The following ZNF808 variants were observed in gnomAD, a reference collection of about 807,000 sequenced individuals.
ZNF808 encodes zinc finger protein 808.
In ZNF808, 5 loss-of-function variants were observed where a neutral mutation model predicts 8.7. The ratio of observed to expected loss-of-function variants is 0.58; its 90% confidence interval spans 0.30 to 1.21. The LOEUF (loss-of-function observed/expected upper bound fraction) is 1.21, where lower values mean the gene tolerates loss of function less well. Ranked by LOEUF, ZNF808 falls within the 50% of genes most tolerant of loss-of-function variation. The pLI, the probability that ZNF808 is intolerant of heterozygous loss-of-function variation, is 0.07. For missense variants in ZNF808, 1,103 were observed against 1,098.4 expected (o/e 1.00, Z -0.06); for synonymous variants, 380 against 366.0 (o/e 1.04, Z -0.44).
intron 4 of ZNF808, among the ~76,000 whole-genome samples, chr19:52,549,218 T>G (rs1488501737): frequency 6.6e-6 from 1 of 152,092 alleles, no homozygotes; most frequent in Non-Finnish European, 1.5e-5. Flanking sequence ...GACCTCCTGA[T>G]GCACCCGCTC....
At chr19:52,529,960 C>T (rs1187934132) in intron 1 of ZNF808, among the ~76,000 whole-genome samples, 13 of 149,650 alleles carry the variant, frequency 8.7e-5, no homozygotes, top group Non-Finnish European at 1.6e-4. Context: ...CCAGGCTGTT[C>T]TCAAAACCCT....
At chr19:52,557,374 C>T (rs576290916), downstream of ZNF808, among the ~76,000 whole-genome samples, 24 of 152,038 alleles carry the variant, frequency 1.6e-4, no homozygotes, top group Non-Finnish European at 2.2e-4. Context: ...TCAAGGCATT[C>T]TCCTGCCTCA....
At position 52,555,902 on chromosome 19, in the gene ZNF808, T is replaced by C; in HGVS notation, c.*274T>C. On this transcript the variant is annotated 3_prime_UTR_variant, in exon 5 of 5. Coordinates refer to ENST00000359798, the MANE Select transcript of ZNF808 (RefSeq NM_001039886.4). Reference sequence around the variant, plus strand: ...AGTGTGATGATTGTGGCAAAGCCTTTACTTCACATTCACACCTCGTTGGAC... The same window carrying C: ...AGTGTGATGATTGTGGCAAAGCCTTCACTTCACATTCACACCTCGTTGGAC... The C allele has an allele frequency of 1.4e-6, 1 of 694,928 alleles. No homozygotes were observed. The highest frequency in any genetic ancestry group is 2.7e-6 in the Non-Finnish European group (1 of 370,676). 43.0% of individuals were successfully genotyped at this position (694,928 alleles called of 1,614,324 possible).
Position 52,555,732 on chromosome 19 carries a change from T to C in ZNF808, c.*104T>C. 1 of 1,480,698 alleles carries C rather than the reference T, an allele frequency of 6.8e-7. No homozygotes were observed. Among genetic ancestry groups the C allele is most frequent in the South Asian group, 1.3e-5 (1 of 79,160 alleles). 91.7% of individuals were successfully genotyped at this position (1,480,698 alleles called of 1,614,324 possible). A position where few individuals can be genotyped will look rare whatever the true frequency, so the allele number is the denominator to read the frequency against. ...TCTGAGTGTAATAAATGTGGCATGT[T>C]TTTCAGACATTGTTCATACATTGCA... On this transcript the variant is annotated 3_prime_UTR_variant, in exon 5 of 5. Transcript: ENST00000359798.
Position 52,554,032 on chromosome 19 carries a change from A to G in ZNF808, c.1116A>G (p.Lys372=), listed in dbSNP as rs1260960923. The stretch of plus-strand genomic sequence containing the variant: ...TTCATACTGGAGTGAAACCTTACAA[A>G]TGTAAGATTTGTGAGAAGGCTTTTG... ...QRLHTGVKPY[K]CKICEKAFAC... The change falls in exon 5 of 5, where the codon AAA becomes AAG. Residue 372 remains lysine (K), a synonymous_variant. Transcript: ENST00000359798. 3.7e-6 allele frequency: 6 copies of G among 1,614,052 alleles called. No homozygotes were observed. Among genetic ancestry groups the G allele is most frequent in the Non-Finnish European group, 5.1e-6 (6 of 1,179,992 alleles).
At chr19:52,566,293 G>A (rs571107212), downstream of ZNF808, among the ~76,000 whole-genome samples, 2 of 152,056 alleles carry the variant, frequency 1.3e-5, no homozygotes, top group Admixed American at 1.3e-4. Flanking sequence ...AGCACCCCAA[G>A]TAGCTCAGAT....
chr19:52,560,141 C>T (rs1007222530), downstream of ZNF808, among the ~76,000 whole-genome samples: 7 of 151,988 alleles, frequency 4.6e-5, no homozygotes, highest in Non-Finnish European at 1.0e-4. Context: ...TGAGATCAGC[C>T]TGGGCAAAAT....
intron 2 of ZNF808, among the ~76,000 whole-genome samples, chr19:52,541,849 G>T (rs981546850): frequency 6.6e-6 from 1 of 152,058 alleles, no homozygotes; most frequent in African/African-American, 2.4e-5. Context: ...GCTGTCTCCT[G>T]GGTCATCAAA....
intron 1 of ZNF808, among the ~76,000 whole-genome samples, chr19:52,529,183 C>T (rs2059538520): frequency 6.6e-6 from 1 of 150,954 alleles, no homozygotes; most frequent in East Asian, 2.0e-4. Flanking sequence ...CGAGACCAGC[C>T]TGGGCAACAT....
Position 52,554,287 on chromosome 19 carries a change from T to C in ZNF808, c.1371T>C (p.Cys457=). ...ATACTGGAGAGAAACCATACAAATG[T>C]AAGGTTTGTGATACAGCTTTCACGT... is the stretch of plus-strand genomic sequence containing the variant. ...RIHTGEKPYK[C]KVCDTAFTCN... Residue 457 remains cysteine, a synonymous_variant, in exon 5 of 5, where the codon TGT becomes TGC. Coordinates refer to ENST00000359798, the MANE Select transcript of ZNF808 (RefSeq NM_001039886.4). 1 of 1,614,106 alleles carries C rather than the reference T, an allele frequency of 6.2e-7. No individual in the cohort carries two copies.
chr19:52,560,369 A>G (rs34866464), downstream of ZNF808, among the ~76,000 whole-genome samples: 14,187 of 151,912 alleles, frequency 0.093, 773 homozygotes, highest in Middle Eastern at 0.16. Context: ...TAATATTATT[A>G]TTATTACAGG....
At chr19:52,558,729 G>C (rs1373989706), downstream of ZNF808, among the ~76,000 whole-genome samples, 1 of 152,200 alleles carries the variant, frequency 6.6e-6, no homozygotes, top group African/African-American at 2.4e-5. Flanking sequence ...GACTGTTACT[G>C]TGTCTATGTA....
At chr19:52,566,415 C>T (rs1386633379), downstream of ZNF808, among the ~76,000 whole-genome samples, 1 of 152,066 alleles carries the variant, frequency 6.6e-6, no homozygotes, top group African/African-American at 2.4e-5. Context: ...ATCCACCTGC[C>T]TCAGCCTCCC....
At chr19:52,565,583 C>G (rs2059871194), downstream of ZNF808, among the ~76,000 whole-genome samples, 1 of 152,160 alleles carries the variant, frequency 6.6e-6, no homozygotes. Context: ...CTCTGCACAC[C>G]TGAGTCAAAT....
rs2059522836 is a variant in ZNF808 at position 52,527,773 on chromosome 19, TG to T, written c.-122+65del. The T allele has an allele frequency of 7.8e-5, 12 of 152,898 alleles. No homozygotes were observed. In the South Asian group the frequency reaches 2.4e-3, roughly 30 times the overall value. The allele number at this position is 152,898 out of a possible 1,614,324, so 9.5% of individuals were successfully genotyped here. A position where few individuals can be genotyped will look rare whatever the true frequency, so the allele number is the denominator to read the frequency against. On this transcript the variant is annotated intron_variant, in intron 1 of 4. Coordinates refer to ENST00000359798, the MANE Select transcript of ZNF808 (RefSeq NM_001039886.4). Reference sequence around the variant, plus strand: ...CCCAGGTCCCCGCCGCTTCTGTCCCTGGGACGTGGGGTCCCCACAGACCTGG... The same window carrying T: ...CCCAGGTCCCCGCCGCTTCTGTCCCTGGACGTGGGGTCCCCACAGACCTGG...
downstream of ZNF808, among the ~76,000 whole-genome samples, chr19:52,566,476 T>C (rs2059873272): frequency 6.6e-6 from 1 of 152,292 alleles, no homozygotes; most frequent in Non-Finnish European, 1.5e-5. Flanking sequence ...AAAAGATATA[T>C]TTCTAGTATT....
At chr19:52,544,581 G>C (rs983919389) in intron 3 of ZNF808, among the ~76,000 whole-genome samples, 1 of 151,986 alleles carries the variant, frequency 6.6e-6, no homozygotes, top group Non-Finnish European at 1.5e-5. Flanking sequence ...TGCCTATCTC[G>C]GACTCCCTAA....
Position 52,543,380 on chromosome 19 carries a change from C to G in ZNF808, c.63+33C>G, listed in dbSNP as rs767650393. On this transcript the variant is annotated intron_variant, in intron 3 of 4. Coordinates refer to ENST00000359798, the MANE Select transcript of ZNF808 (RefSeq NM_001039886.4). ...GATATTCCTCTGTGGATTAATCTGT[C>G]TCTTTCCTTTCTGAAATGTAGTAGT... 6 of 1,604,630 alleles carry G rather than the reference C, an allele frequency of 3.7e-6. No homozygotes were observed. In the East Asian group the frequency reaches 8.9e-5, roughly 24 times the overall value.
chr19:52,547,393 C>A, intron 3 of ZNF808, 119 bp from the exon 4 acceptor site: 1 of 1,553,388 alleles, frequency 6.4e-7, no homozygotes, highest in Admixed American at 2.2e-5. Context: ...ACCTTAACAT[C>A]CTTTTGTCAG....
Sources: allele counts gnomAD v4.1 joint callset (sites outside exome capture counted in the v4.1 genomes callset), GRCh38; gene constraint gnomAD v4.1.1; transcripts MANE v1.5; gene names NCBI Gene and HGNC (gene_info 2026-07-23, HGNC 2026-07-21).